The following CYTL1 variants were observed in gnomAD, a reference collection of about 807,000 sequenced individuals.
CYTL1 encodes cytokine-like protein 1.
Under a neutral mutation model 13.1 loss-of-function variants are expected in CYTL1, and 17 were observed. The observed-to-expected ratio is 1.29, with a 90% CI of 0.89 to 1.94. The LOEUF (loss-of-function observed/expected upper bound fraction) is 1.94, where lower values mean the gene tolerates loss of function less well. CYTL1 is among the 30% of genes most tolerant of loss of function. The pLI is 0.00. For synonymous variants in CYTL1, 91 were observed against 79.4 expected (o/e 1.15, Z -0.78); for missense variants, 213 against 174.8 (o/e 1.22, Z -1.23).
chr4:5,018,935 C>T (rs1198847654), intron 1 of CYTL1, among the ~76,000 whole-genome samples: 4 of 151,890 alleles, frequency 2.6e-5, no homozygotes, highest in Non-Finnish European at 4.4e-5. Flanking sequence ...TTCATTCCTC[C>T]GTCCTCCTTA....
chr4:5,017,755 CTATAGCTAATATGTAGTTG>C (rs918936935), intron 1 of CYTL1, among the ~76,000 whole-genome samples: 2 of 152,004 alleles, frequency 1.3e-5, no homozygotes, highest in African/African-American at 4.8e-5. Context: ...TATAGGCATT[CTATAGCTAATATGTAGTTG>C]TATATAGTGT....
intron 1 of CYTL1, among the ~76,000 whole-genome samples, chr4:5,018,205 C>G (rs6446312): frequency 0.76 from 114,749 of 151,634 alleles, 44,485 homozygotes; most frequent in East Asian, 1. Flanking sequence ...TTTGTTTACA[C>G]ACACACACAC....
chr4:5,016,973 G>A lies in CYTL1; in HGVS notation c.199-9C>T. Reference sequence around the variant, plus strand: ...TCCAGCACACAGTAATTCTGGGAGTGGGCAATGGGGAGGGGGCTTGTGGGA... The same window carrying A: ...TCCAGCACACAGTAATTCTGGGAGTAGGCAATGGGGAGGGGGCTTGTGGGA... On this transcript the variant is annotated splice_polypyrimidine_tract_variant and intron_variant, in intron 2 of 3. Coordinates refer to ENST00000307746, the MANE Select transcript of CYTL1 (RefSeq NM_018659.3). The A allele has an allele frequency of 6.2e-7, 1 of 1,614,128 alleles. No individual in the cohort carries two copies. The highest frequency in any genetic ancestry group is 1.1e-5 in the South Asian group (1 of 91,074).
intron 2 of CYTL1, 69 bp from the exon 3 acceptor site, chr4:5,017,033 C>T (rs1741090082): frequency 5.0e-6 from 8 of 1,607,134 alleles, no homozygotes; most frequent in Non-Finnish European, 6.8e-6. Context: ...GACTGAGCTG[C>T]ATAAGATCTC....
chr4:5,018,850 AG>A (rs1741131843), intron 1 of CYTL1, among the ~76,000 whole-genome samples: 1 of 152,198 alleles, frequency 6.6e-6, no homozygotes, highest in African/African-American at 2.4e-5. Context: ...TCAGCAGATG[AG>A]GGGCGGAGGC....
chr4:5,017,078 G>T, intron 2 of CYTL1, 57 bp downstream of exon 2: 1 of 1,607,418 alleles, frequency 6.2e-7, no homozygotes, highest in Non-Finnish European at 8.5e-7. Context: ...AGCAGCAGAG[G>T]TTCAGACCTG....
In CYTL1 at chr4:5,015,014, C is replaced by T. The variant is rs1481108606; in HGVS notation, c.*137G>A. 2 of 764,870 alleles carry T rather than the reference C, an allele frequency of 2.6e-6. No homozygotes were observed. The highest frequency in any genetic ancestry group is 4.5e-6 in the Non-Finnish European group (2 of 447,026). The allele number at this position is 764,870 out of a possible 1,614,324, so 47.4% of individuals were successfully genotyped here. ...TGGGTAGGAATACCAGCCCTGTTTT[C>T]CAGAAGGTAGAGAGATACATAACAG... is the stretch of plus-strand genomic sequence containing the variant. On this transcript the variant is annotated 3_prime_UTR_variant, in exon 4 of 4. Coordinates refer to ENST00000307746, the MANE Select transcript of CYTL1 (RefSeq NM_018659.3).
At chr4:5,017,595 AAGTT>A (rs1261683382) in intron 1 of CYTL1, among the ~76,000 whole-genome samples, 5 of 150,894 alleles carry the variant, frequency 3.3e-5, no homozygotes, top group South Asian at 4.2e-4. Context: ...ACAGTTGTAT[AAGTT>A]AGTTATATAG....
Position 5,015,237 on chromosome 4 carries a change from G to A in CYTL1, c.328-3C>T, listed in dbSNP as rs1741048263. Reference sequence around the variant, plus strand: ...TCATCCAACAGGAATACCAAATCCTGAAAAAGATGTGCAATGAGCAGGAAA... The same window carrying A: ...TCATCCAACAGGAATACCAAATCCTAAAAAAGATGTGCAATGAGCAGGAAA... On this transcript the variant is annotated splice_region_variant and splice_polypyrimidine_tract_variant and intron_variant, in intron 3 of 3. Coordinates refer to ENST00000307746, the MANE Select transcript of CYTL1 (RefSeq NM_018659.3). The A allele has an allele frequency of 1.2e-6, 2 of 1,611,340 alleles. No homozygotes were observed. Among genetic ancestry groups the A allele is most frequent in the African/African-American group, 1.3e-5 (1 of 74,998 alleles).
chr4:5,019,403 C>T lies in CYTL1; in HGVS notation c.43G>A (p.Ala15Thr). The change falls in exon 1 of 4, where the codon GCG (alanine) becomes ACG (threonine). Residue 15 changes from alanine (A) to threonine (T), a missense_variant. Transcript: ENST00000307746. ...GPLPVLLLLL[A>T]GAPAARPTPP... Reference sequence around the variant, plus strand: ...GTGGGCCGCGCGGCGGGGGCTCCCGCCAGGAGCAGCAGCAGCACGGGCAGA... The same window carrying T: ...GTGGGCCGCGCGGCGGGGGCTCCCGTCAGGAGCAGCAGCAGCACGGGCAGA... The T allele has an allele frequency of 6.7e-7, 1 of 1,492,536 alleles. No homozygotes were observed. The highest frequency in any genetic ancestry group is 1.3e-5 in the South Asian group (1 of 75,550). 92.5% of individuals were successfully genotyped at this position (1,492,536 alleles called of 1,614,324 possible). A position where few individuals can be genotyped will look rare whatever the true frequency, so the allele number is the denominator to read the frequency against.
At position 5,017,147 on chromosome 4, in the gene CYTL1, G is replaced by C; in HGVS notation, c.186C>G (p.Tyr62Ter). The C allele has an allele frequency of 1.2e-6, 2 of 1,614,002 alleles. No homozygotes were observed. The highest frequency in any genetic ancestry group is 1.7e-6 in the Non-Finnish European group (2 of 1,179,938). Residue 62 changes from tyrosine to a stop codon, truncating the protein, a stop_gained, in exon 2 of 4, where the codon TAC (tyrosine) becomes TAG (stop). Coordinates refer to ENST00000307746, the MANE Select transcript of CYTL1 (RefSeq NM_018659.3). LOFTEE classifies it high-confidence loss of function. ...AGAACCCTCTTACGTGTATGTCCAGGTACAGCCTGGGCAGGTATCTCACAC... is the reference window on the plus strand; with the variant it reads ...AGAACCCTCTTACGTGTATGTCCAGCTACAGCCTGGGCAGGTATCTCACAC... ...EPCVRYLPRL[Y>*]LDIHNYCVLD...
intron 1 of CYTL1, among the ~76,000 whole-genome samples, chr4:5,018,596 A>C (rs900838090): frequency 1.3e-5 from 2 of 152,230 alleles, no homozygotes; most frequent in Non-Finnish European, 2.9e-5. Flanking sequence ...CCTGGGTTCT[A>C]GTCCCCAAAA....
At chr4:5,017,868 G>T (rs1741110957) in intron 1 of CYTL1, among the ~76,000 whole-genome samples, 1 of 152,184 alleles carries the variant, frequency 6.6e-6, no homozygotes, top group Non-Finnish European at 1.5e-5. Flanking sequence ...GGGCTGAAGG[G>T]CAAAAGCCCT....
At position 5,014,845 on chromosome 4, in the gene CYTL1, A is replaced by C. The variant is rs1479270537; in HGVS notation, c.*306T>G. 3 of 347,918 alleles carry C rather than the reference A, an allele frequency of 8.6e-6. No individual in the cohort carries two copies. Among genetic ancestry groups the C allele is most frequent in the Admixed American group, 9.3e-5 (2 of 21,472 alleles). The allele number at this position is 347,918 out of a possible 1,614,324, so 21.6% of individuals were successfully genotyped here. ...ATACTATTGTGCAAGTTCTCAAAAT[A>C]GTTGTTCATAAAAGTGAAGCTTGTT... is the stretch of plus-strand genomic sequence containing the variant. On this transcript the variant is annotated 3_prime_UTR_variant, in exon 4 of 4. Transcript: ENST00000307746.
At chr4:5,019,008 T>C (rs1022851377) in intron 1 of CYTL1, among the ~76,000 whole-genome samples, 33 of 138,266 alleles carry the variant, frequency 2.4e-4, no homozygotes, top group South Asian at 7.5e-4. Context: ...TTTTTCTTTT[T>C]TTTTTTTTTT....
intron 1 of CYTL1, among the ~76,000 whole-genome samples, chr4:5,018,936 G>A (rs572912729): frequency 2.2e-4 from 32 of 148,672 alleles, no homozygotes; most frequent in African/African-American, 7.7e-4. Context: ...TCATTCCTCC[G>A]TCCTCCTTAA....
chr4:5,014,962 G>T lies in CYTL1; in HGVS notation c.*189C>A. 1 of 607,262 alleles carries T rather than the reference G, an allele frequency of 1.6e-6. No homozygotes were observed. The highest frequency in any genetic ancestry group is 1.9e-5 in the South Asian group (1 of 52,380). The allele number at this position is 607,262 out of a possible 1,614,324, so 37.6% of individuals were successfully genotyped here. A position where few individuals can be genotyped will look rare whatever the true frequency, so the allele number is the denominator to read the frequency against. On this transcript the variant is annotated 3_prime_UTR_variant, in exon 4 of 4. Coordinates refer to ENST00000307746, the MANE Select transcript of CYTL1 (RefSeq NM_018659.3). ...AGTCAAGGGAATGAGAAGCATGGTT[G>T]CTAACTCTATGCTCAAAGGAGGTTC...
At position 5,014,609 on chromosome 4, in the gene CYTL1, A is replaced by G. The variant is rs1035822436; in HGVS notation, c.*542T>C. 2 of 157,198 alleles carry G rather than the reference A, an allele frequency of 1.3e-5. No individual in the cohort carries two copies. Among genetic ancestry groups the G allele is most frequent in the African/African-American group, 4.8e-5 (2 of 41,624 alleles). 9.7% of individuals were successfully genotyped at this position (157,198 alleles called of 1,614,324 possible). ...TGTTTCTCATGTGAAGAGATTCTTT[A>G]TTTGATTTTCATCACCTTTCAATGA... is the stretch of plus-strand genomic sequence containing the variant. On this transcript the variant is annotated 3_prime_UTR_variant, in exon 4 of 4. Coordinates refer to ENST00000307746, the MANE Select transcript of CYTL1 (RefSeq NM_018659.3).
chr4:5,014,984 G>C lies in CYTL1; in HGVS notation c.*167C>G. 1 of 664,006 alleles carries C rather than the reference G, an allele frequency of 1.5e-6. No homozygotes were observed. The allele number at this position is 664,006 out of a possible 1,614,324, so 41.1% of individuals were successfully genotyped here. A position where few individuals can be genotyped will look rare whatever the true frequency, so the allele number is the denominator to read the frequency against. On this transcript the variant is annotated 3_prime_UTR_variant, in exon 4 of 4. Transcript: ENST00000307746. Reference sequence around the variant, plus strand: ...GTTGCTAACTCTATGCTCAAAGGAGGTTCCTGGGTAGGAATACCAGCCCTG... The same window carrying C: ...GTTGCTAACTCTATGCTCAAAGGAGCTTCCTGGGTAGGAATACCAGCCCTG...
Sources: allele counts gnomAD v4.1 joint callset (sites outside exome capture counted in the v4.1 genomes callset), GRCh38; gene constraint gnomAD v4.1.1; transcripts MANE v1.5; gene names NCBI Gene and HGNC (gene_info 2026-07-23, HGNC 2026-07-21).